The following CBFB variants were observed in gnomAD, a reference collection of about 807,000 sequenced individuals.
CBFB encodes core-binding factor subunit beta.
Under a neutral mutation model 30.4 loss-of-function variants are expected in CBFB, and 9 were observed. That is an observed-to-expected ratio of 0.30 (90% CI 0.18 to 0.52). The LOEUF (loss-of-function observed/expected upper bound fraction) is 0.52. CBFB is among the 20% of genes least tolerant of loss of function. CBFB has a pLI of 0.97. For missense variants in CBFB, 170 were observed against 244.0 expected, an observed-to-expected ratio of 0.70 and a Z score of 2.02; for synonymous variants, 94 against 84.0, an observed-to-expected ratio of 1.12 and a Z score of -0.65.
intron 3 of CBFB, among the ~76,000 whole-genome samples, chr16:67,042,412 G>T (rs1966547360): frequency 6.6e-6 from 1 of 152,200 alleles, no homozygotes; most frequent in African/African-American, 2.4e-5. Flanking sequence ...GCCTCCCAAA[G>T]TACTGGAATT....
chr16:67,036,552 C>A, intron 2 of CBFB, 87 bp from the exon 3 acceptor site: 1 of 785,242 alleles, frequency 1.3e-6, no homozygotes, highest in Non-Finnish European at 2.3e-6. Context: ...TGGCTTAAGA[C>A]ATAAACTGAT....
At chr16:67,054,245 A>C (rs982556106) in intron 3 of CBFB, among the ~76,000 whole-genome samples, 9 of 151,812 alleles carry the variant, frequency 5.9e-5, no homozygotes, top group Non-Finnish European at 2.9e-5. Context: ...ATTCTACGAT[A>C]CTTTATTGTA....
chr16:67,031,128 A>G (rs1966336117), intron 2 of CBFB, among the ~76,000 whole-genome samples: 1 of 152,206 alleles, frequency 6.6e-6, no homozygotes, highest in Admixed American at 6.5e-5. Context: ...CTGAACTCAA[A>G]TTTATTTTTA....
rs561316810 is a variant in CBFB, at chr16:67,036,838, C to T, written c.282+83C>T. 8 of 821,270 alleles carry T rather than the reference C, an allele frequency of 9.7e-6. No individual in the cohort carries two copies. In the East Asian group the frequency reaches 1.2e-4, roughly 12 times the overall value. The allele number at this position is 821,270 out of a possible 1,614,324, so 50.9% of individuals were successfully genotyped here. On this transcript the variant is annotated intron_variant, in intron 3 of 5. Transcript: ENST00000412916. ...TGGTAATTTACATTTTAATAAAGAT[C>T]ACAGATCTGATTATACCAGCATATG...
rs1029995194 is a variant in CBFB, at chr16:67,099,873, C to T, written c.*1095C>T. Reference sequence around the variant, plus strand: ...TTTATATTGCATGCTTTTGTAAAAACATGCTGGGTGATGAAAGATTAGTTT... The same window carrying T: ...TTTATATTGCATGCTTTTGTAAAAATATGCTGGGTGATGAAAGATTAGTTT... On this transcript the variant is annotated 3_prime_UTR_variant, in exon 6 of 6. Transcript: ENST00000412916. 4 of 212,546 alleles carry T rather than the reference C, an allele frequency of 1.9e-5. No homozygotes were observed. The highest frequency in any genetic ancestry group is 3.8e-5 in the Non-Finnish European group (4 of 104,760). The allele number at this position is 212,546 out of a possible 1,614,324, so 13.2% of individuals were successfully genotyped here. A position where few individuals can be genotyped will look rare whatever the true frequency, so the allele number is the denominator to read the frequency against.
At chr16:67,069,140 G>GGAGGTGGAGATTGCAGT (rs1961145366) in intron 4 of CBFB, among the ~76,000 whole-genome samples, 1 of 152,212 alleles carries the variant, frequency 6.6e-6, no homozygotes. Context: ...CTTGAACCCG[G>GGAGGTGGAGATTGCAGT]GAGGTGGAGA....
At chr16:67,053,248 C>CTTTTT (rs576629599) in intron 3 of CBFB, among the ~76,000 whole-genome samples, 5 of 122,744 alleles carry the variant, frequency 4.1e-5, no homozygotes, top group Non-Finnish European at 5.0e-5. Context: ...CACTTTCTCT[C>CTTTTT]TTTTTTTTTT....
intron 5 of CBFB, among the ~76,000 whole-genome samples, chr16:67,082,710 G>A (rs1961601599): frequency 6.6e-6 from 1 of 151,704 alleles, no homozygotes; most frequent in African/African-American, 2.4e-5. Context: ...ATGAATATTT[G>A]TCTTGGTTTT....
At chr16:67,049,401 C>A (rs1244790280) in intron 3 of CBFB, among the ~76,000 whole-genome samples, 1 of 151,864 alleles carries the variant, frequency 6.6e-6, no homozygotes, top group Non-Finnish European at 1.5e-5. Context: ...ACGGTTTCAC[C>A]ATGTTGGCCA....
chr16:67,029,205 G>T lies in CBFB; in HGVS notation c.-203G>T, dbSNP rs1387687041. ...AACGGCTGAGGCGGCGGCGGCGGCG[G>T]CGGCGGCGTGGGTTGGGCTCGAGCG... is the stretch of plus-strand genomic sequence containing the variant. On this transcript the variant is annotated 5_prime_UTR_variant, in exon 1 of 6. Coordinates refer to ENST00000412916, the MANE Select transcript of CBFB (RefSeq NM_022845.3). 8.5e-6 allele frequency: 2 copies of T among 236,614 alleles called. No individual in the cohort carries two copies. Among genetic ancestry groups the T allele is most frequent in the Non-Finnish European group, 1.5e-5 (2 of 129,754 alleles). 14.7% of individuals were successfully genotyped at this position (236,614 alleles called of 1,614,324 possible). A position where few individuals can be genotyped will look rare whatever the true frequency, so the allele number is the denominator to read the frequency against.
At chr16:67,041,751 T>G (rs1053044846) in intron 3 of CBFB, among the ~76,000 whole-genome samples, 2 of 150,256 alleles carry the variant, frequency 1.3e-5, no homozygotes, top group Admixed American at 1.3e-4. Context: ...AGCTTGTTAT[T>G]GCAGCTTGTT....
chr16:67,077,846 A>G (rs1961444887), intron 4 of CBFB, among the ~76,000 whole-genome samples: 1 of 152,252 alleles, frequency 6.6e-6, no homozygotes, highest in African/African-American at 2.4e-5. Context: ...TATTCTGTGT[A>G]TGCTCTATGA....
intron 4 of CBFB, among the ~76,000 whole-genome samples, chr16:67,072,338 T>C (rs1199195303): frequency 6.6e-6 from 1 of 152,226 alleles, no homozygotes; most frequent in Non-Finnish European, 1.5e-5. Context: ...CTTCTGAACA[T>C]TAAGATTAAT....
intron 3 of CBFB, among the ~76,000 whole-genome samples, chr16:67,061,688 A>C (rs967324831): frequency 6.6e-6 from 1 of 152,170 alleles, no homozygotes; most frequent in African/African-American, 2.4e-5. Context: ...AGGATCATCT[A>C]AATATTATTT....
At position 67,098,900 on chromosome 16, in the gene CBFB, C is replaced by A; in HGVS notation, c.*122C>A. 1 of 669,246 alleles carries A rather than the reference C, an allele frequency of 1.5e-6. No homozygotes were observed. The allele number at this position is 669,246 out of a possible 1,614,324, so 41.5% of individuals were successfully genotyped here. ...GGAGGTACTACGGTCTATTTCTCAA[C>A]CTTAGGCAGTAATAGACATCACAAA... On this transcript the variant is annotated 3_prime_UTR_variant, in exon 6 of 6. Coordinates refer to ENST00000412916, the MANE Select transcript of CBFB (RefSeq NM_022845.3).
intron 4 of CBFB, among the ~76,000 whole-genome samples, chr16:67,068,463 A>G (rs1299972994): frequency 6.6e-6 from 1 of 152,222 alleles, no homozygotes; most frequent in Non-Finnish European, 1.5e-5. Flanking sequence ...CCTGGGCAAC[A>G]GAGTGAGATC....
chr16:67,043,677 T>G (rs1399970720), intron 3 of CBFB, among the ~76,000 whole-genome samples: 1 of 152,236 alleles, frequency 6.6e-6, no homozygotes, highest in Non-Finnish European at 1.5e-5. Context: ...TAAATGAGGA[T>G]CAGAATGTCT....
At chr16:67,088,873 A>G (rs1017910525) in intron 5 of CBFB, among the ~76,000 whole-genome samples, 2 of 152,186 alleles carry the variant, frequency 1.3e-5, no homozygotes, top group Non-Finnish European at 2.9e-5. Flanking sequence ...ATCTATGTGT[A>G]AGGTTAAGAT....
intron 4 of CBFB, among the ~76,000 whole-genome samples, chr16:67,074,603 G>C (rs1961334128): frequency 6.6e-6 from 1 of 151,880 alleles, no homozygotes; most frequent in Admixed American, 6.6e-5. Context: ...CGCTGGTCTC[G>C]ATCTCTTGAC....
Sources: gnomAD v4.1 joint callset for allele counts (sites outside exome capture counted in the v4.1 genomes callset) on GRCh38, gnomAD v4.1.1 for gene constraint, MANE v1.5 for transcripts, NCBI Gene and HGNC (gene_info 2026-07-23, HGNC 2026-07-21) for gene names.